Variants in LIPC observed in about 807,000 individuals in gnomAD.
The protein encoded by LIPC is hepatic triacylglycerol lipase.
A neutral mutation model predicts 50.7 loss-of-function variants in LIPC; 44 were observed. The observed-to-expected ratio is 0.87, with a 90% CI of 0.68 to 1.11. The LOEUF is 1.11. Among genes scored for constraint, LIPC ranks in the 50% most tolerant of loss-of-function variants. The pLI, the probability that LIPC is intolerant of heterozygous loss-of-function variation, is 0.00. For missense variants in LIPC, 697 were observed against 648.2 expected, an observed-to-expected ratio of 1.08 and a Z score of -0.82; for synonymous variants, 271 against 256.4, an observed-to-expected ratio of 1.06 and a Z score of -0.54.
chr15:58,489,182 G>GC lies in LIPC; in HGVS notation c.89-49149dup, dbSNP rs1891480815. 3.8e-5 allele frequency among the ~76,000 whole-genome samples: 5 copies of GC among 132,974 alleles called. No individual in the cohort carries two copies. The South Asian group carries it at 1.4e-3, about 36-fold the overall frequency. 87.2% of individuals were successfully genotyped at this position (132,974 alleles called of 152,430 possible). ...ACCTCTCCAAAGCATCTTTCTGCTG[G>GC]CCTGAAATTCAACCATTAGGGATTC... On this transcript the variant is annotated intron_variant, in intron 1 of 8. Coordinates refer to ENST00000299022, the MANE Select transcript of LIPC (RefSeq NM_000236.3).
At chr15:58,564,566 A>G (rs141409911) in intron 8 of LIPC, among the ~76,000 whole-genome samples, 1,699 of 152,068 alleles carry the variant, frequency 0.011, 28 homozygotes, top group African/African-American at 0.037. Context: ...CGTCTCTACA[A>G]AAATACAAAA....
chr15:58,502,142 G>C (rs113077371), intron 1 of LIPC, among the ~76,000 whole-genome samples: 4,481 of 152,250 alleles, frequency 0.029, 211 homozygotes, highest in African/African-American at 0.1. Context: ...ACAGTTCCCA[G>C]AGTGGGGCAG....
rs1469611838 is a variant in LIPC, at chr15:58,541,778, T to G, written c.274-7T>G. 1 of 1,612,958 alleles carries G rather than the reference T, an allele frequency of 6.2e-7. No individual in the cohort carries two copies. Among genetic ancestry groups the G allele is most frequent in the South Asian group, 1.1e-5 (1 of 90,772 alleles). The stretch of plus-strand genomic sequence containing the variant: ...CTAGTGCGACCCTCCCTCTGTCCCC[T>G]CCTCAGGTGGACGGCGTGCTAGAAA... On this transcript the variant is annotated splice_polypyrimidine_tract_variant and splice_region_variant and intron_variant, in intron 2 of 8. Coordinates refer to ENST00000299022, the MANE Select transcript of LIPC (RefSeq NM_000236.3).
intron 1 of LIPC, among the ~76,000 whole-genome samples, chr15:58,477,172 T>C (rs1306258092): frequency 6.6e-6 from 1 of 152,238 alleles, no homozygotes; most frequent in African/African-American, 2.4e-5. Flanking sequence ...ATGTAGACTT[T>C]CTTCCAGGGA....
chr15:58,516,237 C>CTTTT (rs11351202), intron 1 of LIPC, among the ~76,000 whole-genome samples: 66 of 45,158 alleles, frequency 1.5e-3, no homozygotes, highest in South Asian at 2.2e-3. Flanking sequence ...CCTCTAGCTT[C>CTTTT]TTTTTTTTTT....
intron 1 of LIPC, among the ~76,000 whole-genome samples, chr15:58,466,448 G>A (rs1270423299): frequency 6.6e-6 from 1 of 152,158 alleles, no homozygotes; most frequent in Non-Finnish European, 1.5e-5. Flanking sequence ...AGCTCTCTGG[G>A]CCTGAGTTTT....
intron 1 of LIPC, among the ~76,000 whole-genome samples, chr15:58,512,964 A>G (rs1290069247): frequency 2.6e-5 from 4 of 151,702 alleles, no homozygotes; most frequent in African/African-American, 9.7e-5. Context: ...CATCAACGAA[A>G]AAAAAAAAAA....
At chr15:58,487,990 G>A (rs1891435479) in intron 1 of LIPC, among the ~76,000 whole-genome samples, 1 of 152,216 alleles carries the variant, frequency 6.6e-6, no homozygotes, top group Non-Finnish European at 1.5e-5. Flanking sequence ...GTAAGGAAGT[G>A]GCCAGGCACG....
intron 1 of LIPC, among the ~76,000 whole-genome samples, chr15:58,477,296 C>T (rs954890233): frequency 3.3e-5 from 5 of 152,202 alleles, no homozygotes; most frequent in African/African-American, 9.6e-5. Flanking sequence ...ACGTGAGCCA[C>T]GTTGTAGCTG....
At chr15:58,527,173 T>C (rs572924103) in intron 1 of LIPC, among the ~76,000 whole-genome samples, 34 of 152,342 alleles carry the variant, frequency 2.2e-4, no homozygotes, top group African/African-American at 7.9e-4. Flanking sequence ...TCTCAGAACT[T>C]AGATGTGCGG....
chr15:58,539,639 C>A (rs1319309607), intron 2 of LIPC, among the ~76,000 whole-genome samples: 1 of 152,046 alleles, frequency 6.6e-6, no homozygotes, highest in East Asian at 1.9e-4. Context: ...ACTCTTGAAA[C>A]CCCCATCTAT....
At chr15:58,458,959 C>T (rs1452564342) in intron 1 of LIPC, among the ~76,000 whole-genome samples, 11 of 152,280 alleles carry the variant, frequency 7.2e-5, no homozygotes, top group African/African-American at 2.4e-4. Context: ...AGAGTATGTC[C>T]ATGGCTTTAT....
chr15:58,461,010 G>C (rs1415544696), intron 1 of LIPC, among the ~76,000 whole-genome samples: 1 of 152,156 alleles, frequency 6.6e-6, no homozygotes, highest in Non-Finnish European at 1.5e-5. Flanking sequence ...GGTTACAGAG[G>C]AAGGAAGAAA....
intron 6 of LIPC, among the ~76,000 whole-genome samples, chr15:58,551,696 TA>T (rs1436633448): frequency 1.3e-5 from 2 of 152,140 alleles, no homozygotes; most frequent in African/African-American, 4.8e-5. Context: ...ATTACACTCT[TA>T]AAAGAGCAGA....
At chr15:58,558,862 T>C (rs1037233804) in intron 6 of LIPC, among the ~76,000 whole-genome samples, 8 of 152,234 alleles carry the variant, frequency 5.3e-5, no homozygotes, top group Admixed American at 1.3e-4. Flanking sequence ...ACTCTTAGTA[T>C]TTGGCTCTTG....
chr15:58,537,197 C>A (rs1253669180), intron 1 of LIPC, among the ~76,000 whole-genome samples: 1 of 152,198 alleles, frequency 6.6e-6, no homozygotes, highest in Non-Finnish European at 1.5e-5. Context: ...GCCATGGAAA[C>A]GCGCCACCTT....
chr15:58,448,179 G>T (rs1374213485), intron 1 of LIPC, among the ~76,000 whole-genome samples: 2 of 152,188 alleles, frequency 1.3e-5, no homozygotes, highest in African/African-American at 4.8e-5. Context: ...TCACCAAATG[G>T]CTGTGTGACT....
At chr15:58,482,230 A>G (rs1479971029) in intron 1 of LIPC, among the ~76,000 whole-genome samples, 1 of 152,162 alleles carries the variant, frequency 6.6e-6, no homozygotes, top group Non-Finnish European at 1.5e-5. Context: ...GCCTAGAGAC[A>G]CCTAATAGGA....
chr15:58,466,171 C>T (rs1416052546), intron 1 of LIPC, among the ~76,000 whole-genome samples: 3 of 152,162 alleles, frequency 2.0e-5, no homozygotes, highest in Non-Finnish European at 4.4e-5. Flanking sequence ...GATATCTATC[C>T]ATCTCAATGA....
Sources: allele counts gnomAD v4.1 joint callset (sites outside exome capture counted in the v4.1 genomes callset), GRCh38; gene constraint gnomAD v4.1.1; transcripts MANE v1.5; gene names NCBI Gene and HGNC (gene_info 2026-07-23, HGNC 2026-07-21).